The following CENPP variants were observed in gnomAD, a reference collection of about 807,000 sequenced individuals.
The protein encoded by CENPP is centromere protein P.
In CENPP, 24 loss-of-function variants were observed where a neutral mutation model predicts 35.6. That is an observed-to-expected ratio of 0.67 (90% CI 0.49 to 0.95). CENPP has a LOEUF of 0.95. Among genes scored for constraint, CENPP ranks in the 40% least tolerant of loss-of-function variants. The pLI is 0.00. For missense variants in CENPP, 332 were observed against 345.3 expected, an observed-to-expected ratio of 0.96 and a Z score of 0.31; for synonymous variants, 120 against 125.5, an observed-to-expected ratio of 0.96 and a Z score of 0.29.
chr9:92,572,264 G>C (rs1454362567), intron 5 of CENPP, among the ~76,000 whole-genome samples: 2 of 152,142 alleles, frequency 1.3e-5, no homozygotes, highest in South Asian at 2.1e-4. Context: ...TCCTTCAGGA[G>C]CTCTTGTAAG....
intron 5 of CENPP, among the ~76,000 whole-genome samples, chr9:92,412,714 A>G (rs927982140): frequency 6.6e-6 from 1 of 152,334 alleles, no homozygotes; most frequent in Admixed American, 6.5e-5. Context: ...GCTGAATAAT[A>G]TTCCACTGTA....
intron 5 of CENPP, among the ~76,000 whole-genome samples, chr9:92,447,412 G>C (rs149177803): frequency 6.6e-6 from 1 of 152,016 alleles, no homozygotes; most frequent in Non-Finnish European, 1.5e-5. Context: ...TCACATGTGT[G>C]GTTCATAATA....
chr9:92,612,656 T>C (rs2131402951), intron 7 of CENPP, 42 bp downstream of exon 7: 2 of 1,470,588 alleles, frequency 1.4e-6, no homozygotes, highest in East Asian at 4.5e-5. Flanking sequence ...CTTCTCAACA[T>C]GCCCAGCAAA....
At chr9:92,567,212 A>G (rs116021799) in intron 5 of CENPP, among the ~76,000 whole-genome samples, 97 of 152,188 alleles carry the variant, frequency 6.4e-4, no homozygotes, top group African/African-American at 2.2e-3. Context: ...GTGAAGAAAT[A>G]AAGATCTCAA....
Position 92,422,600 on chromosome 9 carries a change from T to C in CENPP, c.564+42741T>C, listed in dbSNP as rs945913773. 3.3e-5 allele frequency among the ~76,000 whole-genome samples: 5 copies of C among 152,354 alleles called. No homozygotes were observed. The East Asian group carries it at 5.8e-4, about 18-fold the overall frequency. ...TTTCCTTGAGGAACAATTTCTCTTC[T>C]AAACCTGAACTTATCTTAAACATCC... On this transcript the variant is annotated intron_variant, in intron 5 of 7. Transcript: ENST00000375587.
chr9:92,468,554 T>C (rs1328635917), intron 5 of CENPP, among the ~76,000 whole-genome samples: 1 of 152,192 alleles, frequency 6.6e-6, no homozygotes, highest in Non-Finnish European at 1.5e-5. Flanking sequence ...AGAACCCAAG[T>C]GCCAAACAAG....
intron 5 of CENPP, chr9:92,470,844 G>T: frequency 1.0e-6 from 1 of 975,786 alleles, no homozygotes; most frequent in Non-Finnish European, 1.5e-6. Flanking sequence ...TTACTAATAT[G>T]GTAGAAATAT....
At chr9:92,407,508 G>A (rs188141140) in intron 5 of CENPP, among the ~76,000 whole-genome samples, 9 of 152,304 alleles carry the variant, frequency 5.9e-5, no homozygotes, top group African/African-American at 2.2e-4. Flanking sequence ...ATTGAATGCT[G>A]ATAGAAAGCT....
intron 4 of CENPP, among the ~76,000 whole-genome samples, chr9:92,362,376 T>G (rs907583948): frequency 1.3e-5 from 2 of 152,024 alleles, no homozygotes; most frequent in South Asian, 2.1e-4. Flanking sequence ...AAAAAAAAAG[T>G]TCTTTCCACT....
At chr9:92,523,196 T>C (rs1416728422) in intron 5 of CENPP, among the ~76,000 whole-genome samples, 1 of 152,168 alleles carries the variant, frequency 6.6e-6, no homozygotes, top group African/African-American at 2.4e-5. Flanking sequence ...TCCTCCTGCA[T>C]TGGCCTCCCA....
intron 5 of CENPP, chr9:92,514,585 A>G (rs1350012980): frequency 6.5e-7 from 1 of 1,526,946 alleles, no homozygotes; most frequent in Admixed American, 2.1e-5. Flanking sequence ...GCTAAGAGTC[A>G]TTTACTTTTA....
intron 4 of CENPP, among the ~76,000 whole-genome samples, chr9:92,363,090 TA>T (rs1841800671): frequency 6.6e-6 from 1 of 151,538 alleles, no homozygotes; most frequent in East Asian, 1.9e-4. Context: ...TTCAGCAATT[TA>T]TCTGAGGAAC....
At chr9:92,596,387 GGCCAA>G (rs1234286379) in intron 5 of CENPP, among the ~76,000 whole-genome samples, 17 of 146,624 alleles carry the variant, frequency 1.2e-4, no homozygotes, top group African/African-American at 4.3e-4. Flanking sequence ...AAATAGGTAG[GGCCAA>G]GCCAAGCCCT....
chr9:92,503,055 G>A (rs1846787712), intron 5 of CENPP, among the ~76,000 whole-genome samples: 1 of 151,870 alleles, frequency 6.6e-6, no homozygotes, highest in Non-Finnish European at 1.5e-5. Context: ...TGATCTACCC[G>A]CCTCGGCCTC....
chr9:92,587,554 A>T (rs1850570846), intron 5 of CENPP, among the ~76,000 whole-genome samples: 1 of 152,242 alleles, frequency 6.6e-6, no homozygotes, highest in Admixed American at 6.5e-5. Context: ...TGAAATACTG[A>T]TGAACCTTGA....
intron 5 of CENPP, among the ~76,000 whole-genome samples, chr9:92,400,106 T>C (rs1193717843): frequency 6.6e-6 from 1 of 152,170 alleles, no homozygotes; most frequent in African/African-American, 2.4e-5. Context: ...TTTATGATTT[T>C]GAGTCATTCC....
At chr9:92,423,160 T>C (rs1843864596) in intron 5 of CENPP, among the ~76,000 whole-genome samples, 1 of 152,240 alleles carries the variant, frequency 6.6e-6, no homozygotes, top group East Asian at 1.9e-4. Context: ...CCTTTTTCTA[T>C]TGAATATTTC....
At chr9:92,364,416 A>G (rs933933392) in intron 4 of CENPP, among the ~76,000 whole-genome samples, 11 of 152,126 alleles carry the variant, frequency 7.2e-5, no homozygotes, top group African/African-American at 1.2e-4. Flanking sequence ...GTTTTGAAAG[A>G]TATCATTCTG....
chr9:92,451,093 T>G (rs1021074515), intron 5 of CENPP, among the ~76,000 whole-genome samples: 1 of 150,122 alleles, frequency 6.7e-6, no homozygotes, highest in Non-Finnish European at 1.5e-5. Context: ...AGAAGCTCTT[T>G]AGTTTAATTA....
Sources: gnomAD v4.1 joint callset for allele counts (sites outside exome capture counted in the v4.1 genomes callset) on GRCh38, gnomAD v4.1.1 for gene constraint, MANE v1.5 for transcripts, NCBI Gene and HGNC (gene_info 2026-07-23, HGNC 2026-07-21) for gene names.